RASEF: variants seen among roughly 807,000 people sequenced by gnomAD.
The protein encoded by RASEF is ras and EF-hand domain-containing protein.
RASEF carries 68 observed loss-of-function variants against 90.1 expected under a neutral mutation model. That is an observed-to-expected ratio of 0.75 (90% CI 0.62 to 0.92). The LOEUF is 0.92. RASEF is among the 40% of genes least tolerant of loss of function. The pLI, the probability that RASEF is intolerant of heterozygous loss-of-function variation, is 0.00. For synonymous variants in RASEF, 331 were observed against 345.2 expected, an observed-to-expected ratio of 0.96 and a Z score of 0.46; for missense variants, 949 against 937.2, an observed-to-expected ratio of 1.01 and a Z score of -0.16.
chr9:83,161,043 G>A, the RASEF span, among the ~76,000 whole-genome samples: 83 of 152,268 alleles, frequency 5.5e-4, no homozygotes, highest in East Asian at 0.015. Flanking sequence ...TGTAGCGGTG[G>A]GGCCCTCATA....
chr9:83,091,656 C>G, the RASEF span, among the ~76,000 whole-genome samples: 7 of 152,184 alleles, frequency 4.6e-5, no homozygotes, highest in Admixed American at 4.6e-4. Flanking sequence ...GTATTGTTTG[C>G]CGCAGCTGTT....
At chr9:83,186,111 C>T in the RASEF span, among the ~76,000 whole-genome samples, 8 of 152,112 alleles carry the variant, frequency 5.3e-5, no homozygotes, top group Non-Finnish European at 1.0e-4. Flanking sequence ...CTGAAACTAA[C>T]GGGAGTGGCT....
rs1828936402 is a variant in RASEF at position 82,997,123 on chromosome 9, G to C, written c.1809C>G (p.Phe603Leu). The stretch of plus-strand genomic sequence containing the variant: ...TGAAGTAAGACTTGGCAATACTTCT[G>C]AATCTGAGAAAGAGAAAACCACATC... ...QLWDTAGQERFRSIAKSYFRK... is the reference protein window; with the variant it reads ...QLWDTAGQERLRSIAKSYFRK... The change falls in exon 14 of 17, where the codon TTC becomes TTG. Residue 603 changes from phenylalanine (F) to leucine (L), a missense_variant. By Grantham distance (22) the Phe-to-Leu change is conservative. Transcript: ENST00000376447. 3.8e-6 allele frequency: 6 copies of C among 1,589,260 alleles called. No individual in the cohort carries two copies. Among genetic ancestry groups the C allele is most frequent in the Non-Finnish European group, 5.2e-6 (6 of 1,157,500 alleles).
At chr9:83,151,742 G>C in the RASEF span, among the ~76,000 whole-genome samples, 2 of 152,200 alleles carry the variant, frequency 1.3e-5, no homozygotes, top group African/African-American at 4.8e-5. Flanking sequence ...AAAACCTCTG[G>C]AGATACTGAA....
At chr9:83,109,114 AAC>A in the RASEF span, among the ~76,000 whole-genome samples, 1 of 151,552 alleles carries the variant, frequency 6.6e-6, no homozygotes, top group Non-Finnish European at 1.5e-5. Flanking sequence ...AAGAAGTAAA[AAC>A]ATGTGTACCA....
At chr9:83,134,256 A>G in the RASEF span, among the ~76,000 whole-genome samples, 2 of 152,084 alleles carry the variant, frequency 1.3e-5, no homozygotes, top group Non-Finnish European at 2.9e-5. Context: ...GTAACAGAGA[A>G]TACATGGGAT....
the RASEF span, among the ~76,000 whole-genome samples, chr9:83,130,367 C>T: frequency 1.3e-5 from 2 of 152,074 alleles, no homozygotes; most frequent in Admixed American, 1.3e-4. Flanking sequence ...TATCAACATC[C>T]CATATCAGAA....
At chr9:83,190,687 G>A in the RASEF span, among the ~76,000 whole-genome samples, 1 of 152,214 alleles carries the variant, frequency 6.6e-6, no homozygotes, top group Non-Finnish European at 1.5e-5. Context: ...GTTTGCCAAG[G>A]TTCCCACCTG....
At chr9:83,159,164 C>T in the RASEF span, among the ~76,000 whole-genome samples, 12 of 137,504 alleles carry the variant, frequency 8.7e-5, no homozygotes, top group East Asian at 4.2e-4. Flanking sequence ...CCAGCCTGGG[C>T]GACAGAGCGA....
chr9:83,078,801 T>C, the RASEF span, among the ~76,000 whole-genome samples: 7 of 152,352 alleles, frequency 4.6e-5, no homozygotes, highest in African/African-American at 1.7e-4. Context: ...CTAATGATCA[T>C]TGATATTCAG....
the RASEF span, among the ~76,000 whole-genome samples, chr9:83,122,057 AT>A: frequency 6.6e-6 from 1 of 152,218 alleles, no homozygotes; most frequent in Non-Finnish European, 1.5e-5. Flanking sequence ...AAGTGTTATT[AT>A]TTTTAAAAAC....
chr9:83,111,048 A>G, the RASEF span, among the ~76,000 whole-genome samples: 4 of 152,342 alleles, frequency 2.6e-5, no homozygotes, highest in East Asian at 7.7e-4. Context: ...GATGCAGAAT[A>G]TAAGATAAGA....
chr9:83,107,475 T>C, the RASEF span, among the ~76,000 whole-genome samples: 19 of 152,192 alleles, frequency 1.2e-4, no homozygotes, highest in Admixed American at 6.5e-4. Flanking sequence ...CTCTCTCATT[T>C]TTGCCCTCTG....
the RASEF span, among the ~76,000 whole-genome samples, chr9:83,204,829 G>A: frequency 8.8e-4 from 134 of 152,286 alleles, 2 homozygotes; most frequent in South Asian, 0.025. Flanking sequence ...TTTAGTTCTA[G>A]GATAAGTTGC....
chr9:83,131,298 G>A, the RASEF span, among the ~76,000 whole-genome samples: 1 of 152,270 alleles, frequency 6.6e-6, no homozygotes, highest in African/African-American at 2.4e-5. Flanking sequence ...AAATTATTTT[G>A]CATCTGAGGG....
At chr9:83,000,132 G>C in intron 12 of RASEF, 37 bp downstream of exon 12, 1 of 1,594,416 alleles carries the variant, frequency 6.3e-7, no homozygotes, top group South Asian at 1.1e-5. Context: ...GCTAAGGAAG[G>C]TCATTTTCCC....
At chr9:83,035,587 T>C (rs549276844) in intron 1 of RASEF, among the ~76,000 whole-genome samples, 1 of 152,356 alleles carries the variant, frequency 6.6e-6, no homozygotes, top group African/African-American at 2.4e-5. Context: ...AGCTCTTTAT[T>C]TAAGAGCACT....
chr9:83,062,554 T>A lies in RASEF; in HGVS notation c.314A>T (p.Asp105Val). The change falls in exon 1 of 17, where the codon GAC (aspartate) becomes GTC (valine). Residue 105 changes from aspartate (D) to valine (V), a missense_variant. This residue lies in a region of RASEF where 656 missense variants were observed against 592.2 expected (regional missense o/e 1.11). Transcript: ENST00000376447. ...CGCCGCCGCGTCCTCGTCGCCTTCG[T>A]CCTCCTCGCTGTCGTGTGTCTCCGG... is the stretch of plus-strand genomic sequence containing the variant. ...AGPETHDSEE[D>V]EGDEDAAAAL... The A allele has an allele frequency of 6.2e-7, 1 of 1,600,358 alleles. No individual in the cohort carries two copies. Among genetic ancestry groups the A allele is most frequent in the Admixed American group, 1.7e-5 (1 of 58,930 alleles).
chr9:83,022,487 A>C, intron 2 of RASEF, 61 bp from the exon 3 acceptor site: 1 of 1,221,576 alleles, frequency 8.2e-7, no homozygotes, highest in Non-Finnish European at 1.2e-6. Flanking sequence ...CATGAAGAGA[A>C]ACTTCAGATT....
Sources: gnomAD v4.1 joint callset for allele counts (sites outside exome capture counted in the v4.1 genomes callset) on GRCh38, gnomAD v4.1.1 for gene constraint, gnomAD v4.1.1 regional missense constraint, MANE v1.5 for transcripts, NCBI Gene and HGNC (gene_info 2026-07-23, HGNC 2026-07-21) for gene names.